DNAH9: variants seen among roughly 807,000 people sequenced by gnomAD.
The protein encoded by DNAH9 is DNAH9 variant protein.
A neutral mutation model predicts 471.6 loss-of-function variants in DNAH9; 345 were observed. That is an observed-to-expected ratio of 0.73 (90% CI 0.67 to 0.80). The LOEUF is 0.80. Among genes scored for constraint, DNAH9 ranks in the 30% least tolerant of loss-of-function variants. The pLI is 0.00. For synonymous variants in DNAH9, 2,093 were observed against 2,123.6 expected, an observed-to-expected ratio of 0.99 and a Z score of 0.40; for missense variants, 5,407 against 5,609.2, an observed-to-expected ratio of 0.96 and a Z score of 1.15.
chr17:11,950,459 T>C (rs947448380), intron 67 of DNAH9, among the ~76,000 whole-genome samples: 4 of 152,196 alleles, frequency 2.6e-5, no homozygotes, highest in Non-Finnish European at 5.9e-5. Context: ...GGTGTGATCA[T>C]GGCTCAAGAG....
rs1422679915 is a variant in DNAH9 at position 11,598,604 on chromosome 17, C to T, written c.106C>T (p.Leu36=). ...CCTGGGGACCTACGTGGCCATGAGCCTGCGGCCGGCTGCGGGCGCCTGGGA... is the reference window on the plus strand; with the variant it reads ...CCTGGGGACCTACGTGGCCATGAGCTTGCGGCCGGCTGCGGGCGCCTGGGA... ...RLLGTYVAMS[L]RPAAGAWERC... Residue 36 remains leucine (L), a synonymous_variant, in exon 1 of 69, where the codon CTG becomes TTG. Coordinates refer to ENST00000262442, the MANE Select transcript of DNAH9 (RefSeq NM_001372.4). 18 of 1,348,474 alleles carry T rather than the reference C, an allele frequency of 1.3e-5. No individual in the cohort carries two copies. Among genetic ancestry groups the T allele is most frequent in the Non-Finnish European group, 1.5e-5 (16 of 1,055,176 alleles). The allele number at this position is 1,348,474 out of a possible 1,614,324, so 83.5% of individuals were successfully genotyped here. A position where few individuals can be genotyped will look rare whatever the true frequency, so the allele number is the denominator to read the frequency against.
chr17:11,663,818 A>G (rs1408241831), intron 14 of DNAH9, among the ~76,000 whole-genome samples: 1 of 152,214 alleles, frequency 6.6e-6, no homozygotes, highest in Non-Finnish European at 1.5e-5. Flanking sequence ...AATACCCGAG[A>G]GAAACTCTGT....
intron 43 of DNAH9, 70 bp from the exon 44 acceptor site, chr17:11,807,662 A>T: frequency 6.6e-7 from 1 of 1,518,716 alleles, no homozygotes; most frequent in Non-Finnish European, 8.9e-7. Flanking sequence ...CTCCCACTCA[A>T]GCCTTTATAC....
At chr17:11,861,642 C>T (rs1326341358) in intron 50 of DNAH9, among the ~76,000 whole-genome samples, 1 of 150,674 alleles carries the variant, frequency 6.6e-6, no homozygotes, top group Non-Finnish European at 1.5e-5. Flanking sequence ...GTCCCACCAA[C>T]AGTGTAAAAG....
At chr17:11,828,068 T>C (rs11653448) in intron 48 of DNAH9, among the ~76,000 whole-genome samples, 93,176 of 152,018 alleles carry the variant, frequency 0.61, 28,684 homozygotes, top group East Asian at 0.65. Flanking sequence ...TGCTGAGTCA[T>C]GGATATCTTT....
At chr17:11,605,285 C>T (rs1020265205) in intron 1 of DNAH9, among the ~76,000 whole-genome samples, 1 of 152,196 alleles carries the variant, frequency 6.6e-6, no homozygotes, top group East Asian at 1.9e-4. Flanking sequence ...TGATTCCCTT[C>T]ACATGCTTTA....
intron 61 of DNAH9, among the ~76,000 whole-genome samples, chr17:11,921,774 G>C (rs920308661): frequency 6.6e-6 from 1 of 151,902 alleles, no homozygotes; most frequent in Non-Finnish European, 1.5e-5. Context: ...TTTCTTCTCC[G>C]CCTCATTGTC....
chr17:11,886,452 GTTTC>G (rs1242447398), intron 56 of DNAH9, among the ~76,000 whole-genome samples: 1 of 147,916 alleles, frequency 6.8e-6, no homozygotes, highest in Non-Finnish European at 1.5e-5. Flanking sequence ...ACTATACTAT[GTTTC>G]TTTCCCTGGA....
chr17:11,690,326 C>T lies in DNAH9; in HGVS notation c.4504C>T (p.Leu1502=). The T allele has an allele frequency of 6.2e-7, 1 of 1,614,182 alleles. No individual in the cohort carries two copies. The highest frequency in any genetic ancestry group is 8.5e-7 in the Non-Finnish European group (1 of 1,180,038). The change falls in exon 20 of 69, where the codon CTG becomes TTG. Residue 1502 remains leucine (L), a synonymous_variant. Coordinates refer to ENST00000262442, the MANE Select transcript of DNAH9 (RefSeq NM_001372.4). ...GGAGGTGTCGGGCTGGCAGAAGAAGCTGTCCACAGTGGACGCTGTCATCTC... is the reference window on the plus strand; with the variant it reads ...GGAGGTGTCGGGCTGGCAGAAGAAGTTGTCCACAGTGGACGCTGTCATCTC... ...LEEVSGWQKK[L]STVDAVISIW... is the part of the protein sequence containing the mutation.
chr17:11,654,407 C>T (rs1172786708), intron 14 of DNAH9, among the ~76,000 whole-genome samples: 4 of 148,854 alleles, frequency 2.7e-5, no homozygotes, highest in South Asian at 2.2e-4. Flanking sequence ...ATCCATCTAT[C>T]GTCTATGTAT....
chr17:11,718,247 T>C (rs1461515461), intron 26 of DNAH9, among the ~76,000 whole-genome samples: 1 of 152,252 alleles, frequency 6.6e-6, no homozygotes, highest in Non-Finnish European at 1.5e-5. Flanking sequence ...GTCCATCCTG[T>C]AGCATGTTTG....
chr17:11,890,455 C>A (rs562260478), intron 57 of DNAH9, among the ~76,000 whole-genome samples: 2 of 152,198 alleles, frequency 1.3e-5, no homozygotes, highest in African/African-American at 4.8e-5. Flanking sequence ...GAAAGAAATT[C>A]ACATTTTCCT....
chr17:11,668,837 A>G (rs1482960931), intron 15 of DNAH9, among the ~76,000 whole-genome samples: 1 of 152,152 alleles, frequency 6.6e-6, no homozygotes, highest in Non-Finnish European at 1.5e-5. Flanking sequence ...AGAGCCCTGC[A>G]GCAGAATGGG....
In DNAH9 at chr17:11,647,975, T is replaced by C. The variant is rs534623832; in HGVS notation, c.2097+777T>C. 1.1e-4 allele frequency among the ~76,000 whole-genome samples: 17 copies of C among 152,218 alleles called. No individual in the cohort carries two copies. The East Asian group carries it at 2.7e-3, about 24-fold the overall frequency. On this transcript the variant is annotated intron_variant, in intron 12 of 68. Coordinates refer to ENST00000262442, the MANE Select transcript of DNAH9 (RefSeq NM_001372.4). ...CCACCACAGAGTTACTTGTCAAAAATGTGAATAGTGCTGAGGTTGAGAAAC... is the reference window on the plus strand; with the variant it reads ...CCACCACAGAGTTACTTGTCAAAAACGTGAATAGTGCTGAGGTTGAGAAAC...
At chr17:11,680,685 A>T (rs758051683) in intron 18 of DNAH9, 38 bp from the exon 19 acceptor site, 2 of 1,597,892 alleles carry the variant, frequency 1.3e-6, no homozygotes, top group African/African-American at 1.3e-5. Flanking sequence ...AGGAAAGAGC[A>T]CCTTGGGAAT....
chr17:11,942,364 T>G lies in DNAH9; in HGVS notation c.12722T>G (p.Leu4241Arg), dbSNP rs761274972. The change falls in exon 67 of 69, where the codon CTG (leucine) becomes CGG (arginine). Residue 4241 changes from leucine (L) to arginine (R), a missense_variant. By Grantham distance (102) the Leu-to-Arg change is moderately radical (BLOSUM62 -2). Around this residue, in one of 3 missense-constraint regions of DNAH9, gnomAD observed 4,636 missense variants for 4,900.3 expected, o/e 0.95. Transcript: ENST00000262442. ...RVTDEFNIPE[L>R]MAKVEERTPY... ...ACAGACGAGTTTAACATCCCAGAAC[T>G]GATGGCCAAAGTGGAGGAGCGCACC... 8.1e-6 allele frequency: 13 copies of G among 1,614,204 alleles called. No individual in the cohort carries two copies. The South Asian group carries it at 1.4e-4, about 18-fold the overall frequency.
At position 11,871,659 on chromosome 17, in the gene DNAH9, A is replaced by T; in HGVS notation, c.10115A>T (p.Gln3372Leu). 1.9e-6 allele frequency: 3 copies of T among 1,614,222 alleles called. No homozygotes were observed. Among genetic ancestry groups the T allele is most frequent in the Non-Finnish European group, 2.5e-6 (3 of 1,180,040 alleles). Residue 3372 changes from glutamine (Q) to leucine (L), a missense_variant, in exon 52 of 69, where the codon CAG becomes CTG. This residue lies in a region of DNAH9 where 4,636 missense variants were observed against 4,900.3 expected (regional missense o/e 0.95). Coordinates refer to ENST00000262442, the MANE Select transcript of DNAH9 (RefSeq NM_001372.4). ...WADAVQNFKQQERTLCGDILL... is the reference protein window; with the variant it reads ...WADAVQNFKQLERTLCGDILL... Reference sequence around the variant, plus strand: ...GATGCCGTGCAGAACTTCAAACAGCAGGAAAGGACGTTATGTGGAGACATT... The same window carrying T: ...GATGCCGTGCAGAACTTCAAACAGCTGGAAAGGACGTTATGTGGAGACATT...
chr17:11,662,973 T>C (rs1015373126), intron 14 of DNAH9, among the ~76,000 whole-genome samples: 11 of 151,940 alleles, frequency 7.2e-5, no homozygotes, highest in South Asian at 4.2e-4. Context: ...TCCAGGATGG[T>C]CTCGATCTCC....
chr17:11,654,015 G>A (rs1375805647), intron 14 of DNAH9, among the ~76,000 whole-genome samples: 1 of 151,870 alleles, frequency 6.6e-6, no homozygotes, highest in East Asian at 1.9e-4. Context: ...TGAGGTAGAA[G>A]AAAACCATCA....
Sources: gnomAD v4.1 joint callset for allele counts (sites outside exome capture counted in the v4.1 genomes callset) on GRCh38, gnomAD v4.1.1 for gene constraint, gnomAD v4.1.1 regional missense constraint, MANE v1.5 for transcripts, NCBI Gene and HGNC (gene_info 2026-07-23, HGNC 2026-07-21) for gene names.